Variants in EXOC6B observed in about 807,000 individuals in gnomAD.
The protein encoded by EXOC6B is exocyst complex component 6B.
EXOC6B carries 54 observed loss-of-function variants against 113.5 expected under a neutral mutation model. The observed-to-expected ratio is 0.48, with a 90% CI of 0.38 to 0.60. EXOC6B has a LOEUF of 0.60. Ranked by LOEUF, EXOC6B falls within the 20% of genes least tolerant of loss-of-function variation. The pLI, the probability that EXOC6B is intolerant of heterozygous loss-of-function variation, is 0.00. For synonymous variants in EXOC6B, 357 were observed against 339.0 expected, an observed-to-expected ratio of 1.05 and a Z score of -0.58; for missense variants, 797 against 977.5, an observed-to-expected ratio of 0.82 and a Z score of 2.46.
chr2:72,300,826 A>G (rs1312251089), intron 20 of EXOC6B, among the ~76,000 whole-genome samples: 1 of 151,968 alleles, frequency 6.6e-6, no homozygotes, highest in Non-Finnish European at 1.5e-5. Flanking sequence ...GCGATGCCCC[A>G]CCCTGCTTCA....
At chr2:72,681,229 A>C (rs998799170) in intron 6 of EXOC6B, among the ~76,000 whole-genome samples, 23 of 152,174 alleles carry the variant, frequency 1.5e-4, no homozygotes, top group African/African-American at 5.3e-4. Context: ...TCCAAGCCCT[A>C]AAATAGAATA....
At chr2:72,445,092 C>T (rs1252779022) in intron 18 of EXOC6B, among the ~76,000 whole-genome samples, 1 of 152,258 alleles carries the variant, frequency 6.6e-6, no homozygotes, top group East Asian at 1.9e-4. Flanking sequence ...CAATGCTTTG[C>T]TTTGAAATTT....
chr2:72,656,080 A>G (rs778203049), intron 6 of EXOC6B, among the ~76,000 whole-genome samples: 1 of 152,126 alleles, frequency 6.6e-6, no homozygotes, highest in Non-Finnish European at 1.5e-5. Flanking sequence ...AAATAGACTA[A>G]AATGCCTAAA....
At chr2:72,756,843 A>G (rs1036172859) in intron 1 of EXOC6B, among the ~76,000 whole-genome samples, 3 of 152,162 alleles carry the variant, frequency 2.0e-5, no homozygotes, top group Admixed American at 2.0e-4. Context: ...GAAAAGGAAG[A>G]TGAGTAAAAG....
At chr2:72,405,411 G>A (rs546311656) in intron 18 of EXOC6B, among the ~76,000 whole-genome samples, 16 of 152,236 alleles carry the variant, frequency 1.1e-4, no homozygotes, top group Admixed American at 7.8e-4. Flanking sequence ...CAGATTCACC[G>A]AAGTTCAAAT....
At chr2:72,349,682 C>T (rs1421305329) in intron 19 of EXOC6B, among the ~76,000 whole-genome samples, 1 of 152,148 alleles carries the variant, frequency 6.6e-6, no homozygotes, top group African/African-American at 2.4e-5. Context: ...CAGCCAAGCC[C>T]TATGTGTCTC....
intron 6 of EXOC6B, among the ~76,000 whole-genome samples, chr2:72,655,102 C>G (rs1407415670): frequency 6.6e-6 from 1 of 152,112 alleles, no homozygotes; most frequent in African/African-American, 2.4e-5. Context: ...TTCCAACTTA[C>G]GTGAGACACA....
chr2:72,335,128 A>G (rs1688619602), intron 19 of EXOC6B, 108 bp from the exon 20 acceptor site: 1 of 966,674 alleles, frequency 1.0e-6, no homozygotes, highest in South Asian at 1.3e-5. Context: ...AGGAGGACCA[A>G]GCTTCTAAGG....
intron 1 of EXOC6B, among the ~76,000 whole-genome samples, chr2:72,802,529 A>C (rs1685344836): frequency 6.6e-6 from 1 of 152,124 alleles, no homozygotes. Context: ...TGCATAGAAA[A>C]CATTTGAAAT....
intron 6 of EXOC6B, among the ~76,000 whole-genome samples, chr2:72,706,667 C>A (rs919121601): frequency 2.6e-5 from 4 of 152,100 alleles, no homozygotes; most frequent in African/African-American, 7.2e-5. Context: ...TTTTACTTTT[C>A]TGTACTTTGT....
chr2:72,702,125 T>C (rs371984677), intron 6 of EXOC6B, among the ~76,000 whole-genome samples: 1 of 145,826 alleles, frequency 6.9e-6, no homozygotes, highest in Non-Finnish European at 1.5e-5. Flanking sequence ...CCTGTGTCCA[T>C]GTGATCTCAT....
intron 1 of EXOC6B, among the ~76,000 whole-genome samples, chr2:72,820,221 A>C (rs1260819460): frequency 2.0e-5 from 3 of 152,138 alleles, no homozygotes; most frequent in Non-Finnish European, 4.4e-5. Context: ...CAAGACAGAA[A>C]ATTATTCCTA....
chr2:72,589,104 T>C (rs1317365789), intron 6 of EXOC6B, among the ~76,000 whole-genome samples: 1 of 150,074 alleles, frequency 6.7e-6, no homozygotes, highest in African/African-American at 2.4e-5. Flanking sequence ...AATGCGACTA[T>C]TTGTGTAATC....
chr2:72,449,800 G>GAA (rs1391520881), intron 18 of EXOC6B, among the ~76,000 whole-genome samples: 4 of 152,278 alleles, frequency 2.6e-5, no homozygotes, highest in Admixed American at 6.5e-5. Context: ...CATACAGGCA[G>GAA]AAGCACAGGA....
chr2:72,307,944 TG>T (rs1686982896), intron 20 of EXOC6B, among the ~76,000 whole-genome samples: 1 of 152,194 alleles, frequency 6.6e-6, no homozygotes, highest in South Asian at 2.1e-4. Flanking sequence ...AAATACTCTT[TG>T]TTTGTAATAT....
chr2:72,215,359 G>C (rs1315089758), intron 20 of EXOC6B, among the ~76,000 whole-genome samples: 1 of 152,104 alleles, frequency 6.6e-6, no homozygotes, highest in South Asian at 2.1e-4. Context: ...TAACCAAAAG[G>C]CCAAAGCAGA....
intron 6 of EXOC6B, among the ~76,000 whole-genome samples, chr2:72,678,849 C>A (rs1314461049): frequency 1.3e-5 from 2 of 152,126 alleles, no homozygotes; most frequent in African/African-American, 4.8e-5. Flanking sequence ...AATACGTGCA[C>A]CTAATTAAAA....
At chr2:72,752,488 G>A (rs2104860632) in intron 1 of EXOC6B, among the ~76,000 whole-genome samples, 1 of 151,318 alleles carries the variant, frequency 6.6e-6, no homozygotes, top group South Asian at 2.1e-4. Flanking sequence ...TGCACTAAAT[G>A]AAAATCTCTC....
At chr2:72,393,239 G>T (rs536653278) in intron 18 of EXOC6B, among the ~76,000 whole-genome samples, 1 of 151,720 alleles carries the variant, frequency 6.6e-6, no homozygotes, top group Non-Finnish European at 1.5e-5. Context: ...GACTACAGGC[G>T]CATACCACCA....
Sources: gnomAD v4.1 joint callset for allele counts (sites outside exome capture counted in the v4.1 genomes callset) on GRCh38, gnomAD v4.1.1 for gene constraint, MANE v1.5 for transcripts, NCBI Gene and HGNC (gene_info 2026-07-23, HGNC 2026-07-21) for gene names.